KDM4A: variants seen among roughly 807,000 people sequenced by gnomAD.
The protein encoded by KDM4A is lysine demethylase 4A.
KDM4A carries 23 observed loss-of-function variants against 127.1 expected under a neutral mutation model. That is an observed-to-expected ratio of 0.18 (90% confidence interval 0.13 to 0.26). The LOEUF is 0.26. KDM4A is among the 10% of genes least tolerant of loss of function. KDM4A has a pLI of 1.00. For missense variants in KDM4A, 890 were observed against 1,329.1 expected, an observed-to-expected ratio of 0.67 and a Z score of 5.14; for synonymous variants, 443 against 466.5, an observed-to-expected ratio of 0.95 and a Z score of 0.65.
At chr1:43,685,708 CA>C (rs1260626069) in intron 12 of KDM4A, among the ~76,000 whole-genome samples, 1 of 152,174 alleles carries the variant, frequency 6.6e-6, no homozygotes, top group Non-Finnish European at 1.5e-5. Context: ...GCAGAATTTG[CA>C]GTGAGCTGAG....
chr1:43,701,613 G>C (rs928196364), intron 19 of KDM4A, among the ~76,000 whole-genome samples: 12 of 152,058 alleles, frequency 7.9e-5, no homozygotes, highest in Admixed American at 7.9e-4. Context: ...TCAGCCTTCC[G>C]AGTAACTGGG....
intron 2 of KDM4A, among the ~76,000 whole-genome samples, chr1:43,655,292 G>T (rs892072558): frequency 6.6e-6 from 1 of 152,102 alleles, no homozygotes; most frequent in African/African-American, 2.4e-5. Context: ...AGAGCCCTGG[G>T]CTAGGAGATT....
intron 19 of KDM4A, 101 bp downstream of exon 19, chr1:43,698,114 T>C: frequency 1.8e-6 from 2 of 1,129,086 alleles, no homozygotes; most frequent in Non-Finnish European, 2.5e-6. Flanking sequence ...TCTAGCCAGG[T>C]CCCTGGTCCC....
At chr1:43,658,102 G>T (rs1462587671) in intron 3 of KDM4A, among the ~76,000 whole-genome samples, 4 of 139,586 alleles carry the variant, frequency 2.9e-5, no homozygotes, top group Admixed American at 7.5e-5. Context: ...ACAGAGTCTC[G>T]CTGTGTTGCC....
chr1:43,697,748 T>C, intron 18 of KDM4A, 95 bp from the exon 19 acceptor site: 1 of 1,204,120 alleles, frequency 8.3e-7, no homozygotes, highest in Non-Finnish European at 1.2e-6. Flanking sequence ...CATGCTTATC[T>C]TTCCCTGATA....
At chr1:43,657,063 G>A (rs1312466224) in intron 3 of KDM4A, among the ~76,000 whole-genome samples, 3 of 151,874 alleles carry the variant, frequency 2.0e-5, no homozygotes, top group East Asian at 1.9e-4. Flanking sequence ...ATGTGCTACC[G>A]CGCTCAGCTA....
At chr1:43,681,285 T>A (rs1378044657) in intron 11 of KDM4A, among the ~76,000 whole-genome samples, 2 of 152,188 alleles carry the variant, frequency 1.3e-5, no homozygotes, top group Non-Finnish European at 2.9e-5. Flanking sequence ...CTCTTACCTG[T>A]CTGCTTCTGA....
chr1:43,692,327 A>G lies in KDM4A; in HGVS notation c.2375+16A>G, dbSNP rs751202235. ...ATGATGACAGGTAAGTTTCCTGAGCAGTGCCTTGGAATGCACAGGCTCAGT... is the reference window on the plus strand; with the variant it reads ...ATGATGACAGGTAAGTTTCCTGAGCGGTGCCTTGGAATGCACAGGCTCAGT... On this transcript the variant is annotated intron_variant, in intron 16 of 21. Transcript: ENST00000372396. The G allele has an allele frequency of 3.7e-6, 6 of 1,611,350 alleles. No individual in the cohort carries two copies. Among genetic ancestry groups the G allele is most frequent in the African/African-American group, 1.3e-5 (1 of 74,872 alleles).
chr1:43,683,884 G>A (rs2154048098), intron 12 of KDM4A, 80 bp downstream of exon 12: 1 of 1,538,970 alleles, frequency 6.5e-7, no homozygotes, highest in South Asian at 1.2e-5. Context: ...AGAAGGCCAA[G>A]CTGAGGGATA....
intron 2 of KDM4A, 127 bp downstream of exon 2, chr1:43,653,440 G>T: frequency 1.2e-6 from 1 of 827,340 alleles, no homozygotes; most frequent in East Asian, 2.8e-5. Flanking sequence ...AGTGAATGCG[G>T]TTCTATTTGC....
chr1:43,662,563 T>C (rs932651186), intron 4 of KDM4A, among the ~76,000 whole-genome samples: 2 of 152,152 alleles, frequency 1.3e-5, no homozygotes, highest in African/African-American at 2.4e-5. Flanking sequence ...GCCAAGATCA[T>C]GCCACTGCAC....
chr1:43,666,384 G>A, intron 6 of KDM4A, 68 bp from the exon 7 acceptor site: 2 of 1,248,744 alleles, frequency 1.6e-6, no homozygotes, highest in Admixed American at 1.8e-5. Flanking sequence ...GCACAGGTGT[G>A]AAGTGACTCC....
chr1:43,666,933 T>G (rs755657502), intron 7 of KDM4A, 21 bp from the exon 8 acceptor site: 5 of 1,613,220 alleles, frequency 3.1e-6, no homozygotes, highest in Non-Finnish European at 4.2e-6. Context: ...AAGCAGCTGC[T>G]TCAAGTCTGC....
rs940933357 is a variant in KDM4A, at chr1:43,688,436, A to T, written c.1856-478A>T. On this transcript the variant is annotated intron_variant, in intron 12 of 21. Transcript: ENST00000372396. This position sits in a 1 kb window ranked among gnomAD's most constrained non-coding sequence, Gnocchi z 4.4. ...GTAAGTCCTGGCCAAGGACCATGATATTACAACTTTTAAGCTTTGCCAATT... is the reference window on the plus strand; with the variant it reads ...GTAAGTCCTGGCCAAGGACCATGATTTTACAACTTTTAAGCTTTGCCAATT... 6.6e-6 allele frequency among the ~76,000 whole-genome samples: 1 copy of T among 152,010 alleles called. No individual in the cohort carries two copies. Among genetic ancestry groups the T allele is most frequent in the East Asian group, 1.9e-4 (1 of 5,196 alleles).
chr1:43,691,066 T>C lies in KDM4A; in HGVS notation c.2242+17T>C. On this transcript the variant is annotated intron_variant, in intron 14 of 21. Transcript: ENST00000372396. Reference sequence around the variant, plus strand: ...TCCATGCCAGTGAGTGCTGCTCACCTTTCTCTGTGTCCTGTCCCAGGAGTA... The same window carrying C: ...TCCATGCCAGTGAGTGCTGCTCACCCTTCTCTGTGTCCTGTCCCAGGAGTA... 2.5e-6 allele frequency: 4 copies of C among 1,612,736 alleles called. No homozygotes were observed. The highest frequency in any genetic ancestry group is 3.4e-6 in the Non-Finnish European group (4 of 1,179,304).
At chr1:43,670,321 G>T (rs74957994) in intron 10 of KDM4A, among the ~76,000 whole-genome samples, 1 of 152,162 alleles carries the variant, frequency 6.6e-6, no homozygotes, top group Non-Finnish European at 1.5e-5. Context: ...CTCTTCAGCA[G>T]ATTTTCTTTC....
At position 43,691,584 on chromosome 1, in the gene KDM4A, C is replaced by T. The variant is rs939479423; in HGVS notation, c.2319+12C>T. On this transcript the variant is annotated intron_variant, in intron 15 of 21. Coordinates refer to ENST00000372396, the MANE Select transcript of KDM4A (RefSeq NM_014663.3). ...ATGCCCTAGAGGAGGTGAGTGATCC[C>T]ACACTGTTACTGTCTTCACCATGAG... 1.9e-6 allele frequency: 3 copies of T among 1,608,142 alleles called. No homozygotes were observed. Among genetic ancestry groups the T allele is most frequent in the Admixed American group, 3.3e-5 (2 of 59,960 alleles).
intron 2 of KDM4A, among the ~76,000 whole-genome samples, chr1:43,655,343 A>G (rs983886472): frequency 6.6e-6 from 1 of 152,208 alleles, no homozygotes; most frequent in African/African-American, 2.4e-5. Context: ...TTGGTGTCCA[A>G]ATAAGATACT....
intron 5 of KDM4A, among the ~76,000 whole-genome samples, chr1:43,664,691 G>A (rs1266249018): frequency 6.6e-6 from 1 of 152,144 alleles, no homozygotes; most frequent in African/African-American, 2.4e-5. Context: ...CTACTGTCCT[G>A]TTTTTCCTTC....
Sources: allele counts gnomAD v4.1 joint callset (sites outside exome capture counted in the v4.1 genomes callset), GRCh38; gene constraint gnomAD v4.1.1; non-coding constraint Gnocchi (gnomAD v3.1); transcripts MANE v1.5; gene names NCBI Gene and HGNC (gene_info 2026-07-23, HGNC 2026-07-21).